Variants in CNTNAP2 observed in about 807,000 individuals in gnomAD.
The protein encoded by CNTNAP2 is contactin-associated protein-like 2.
CNTNAP2 carries 98 observed loss-of-function variants against 155.2 expected under a neutral mutation model. That is an observed-to-expected ratio of 0.63 (90% CI 0.54 to 0.75). The LOEUF is 0.75. CNTNAP2 is among the 30% of genes least tolerant of loss of function. CNTNAP2 has a pLI of 0.00. For synonymous variants in CNTNAP2, 651 were observed against 631.2 expected, an observed-to-expected ratio of 1.03 and a Z score of -0.47; for missense variants, 1,727 against 1,688.1, an observed-to-expected ratio of 1.02 and a Z score of -0.40.
chr7:148,055,517 C>G lies in CNTNAP2; in HGVS notation c.2384-62601C>G, dbSNP rs149712175. Among the ~76,000 whole-genome samples, 122 of 152,246 alleles carry G rather than the reference C, an allele frequency of 8.0e-4. No homozygotes were observed. In the East Asian group the frequency reaches 8.3e-3, roughly 10 times the overall value. On this transcript the variant is annotated intron_variant, in intron 15 of 23. Transcript: ENST00000361727. The stretch of plus-strand genomic sequence containing the variant: ...CAGAGAGCTGTTTTATTAATCTACC[C>G]CTCAGCTTCTTCATCTGTAAAATGG...
At chr7:147,051,496 A>G (rs1356347683) in intron 4 of CNTNAP2, among the ~76,000 whole-genome samples, 1 of 152,090 alleles carries the variant, frequency 6.6e-6, no homozygotes, top group Non-Finnish European at 1.5e-5. Flanking sequence ...GATAAATGCT[A>G]TGACAGAGAA....
intron 13 of CNTNAP2, among the ~76,000 whole-genome samples, chr7:147,814,229 C>A (rs1302105011): frequency 6.6e-6 from 1 of 152,130 alleles, no homozygotes; most frequent in Non-Finnish European, 1.5e-5. Flanking sequence ...CTGGAAAATT[C>A]CACCAGAATA....
At chr7:146,256,291 T>G (rs1298419646) in intron 1 of CNTNAP2, among the ~76,000 whole-genome samples, 1 of 152,200 alleles carries the variant, frequency 6.6e-6, no homozygotes, top group Non-Finnish European at 1.5e-5. Flanking sequence ...TTGTCAGTTT[T>G]GTTATGACCA....
intron 8 of CNTNAP2, among the ~76,000 whole-genome samples, chr7:147,241,956 A>G (rs1022842436): frequency 6.6e-6 from 1 of 152,200 alleles, no homozygotes; most frequent in Non-Finnish European, 1.5e-5. Context: ...AAACACGTTT[A>G]TAAAGCAGAA....
intron 8 of CNTNAP2, among the ~76,000 whole-genome samples, chr7:147,182,557 T>C (rs1267669056): frequency 1.3e-5 from 2 of 152,118 alleles, no homozygotes; most frequent in Non-Finnish European, 2.9e-5. Context: ...TAAATTTCCA[T>C]ATTTACTCTC....
chr7:148,269,871 C>T (rs1796743139), intron 21 of CNTNAP2, among the ~76,000 whole-genome samples: 1 of 152,158 alleles, frequency 6.6e-6, no homozygotes, highest in Non-Finnish European at 1.5e-5. Context: ...GTTAAGTGCT[C>T]CTTCAGAACC....
intron 13 of CNTNAP2, among the ~76,000 whole-genome samples, chr7:147,745,594 C>T (rs762606756): frequency 6.6e-6 from 1 of 152,114 alleles, no homozygotes; most frequent in Non-Finnish European, 1.5e-5. Context: ...AACTGTAATG[C>T]GATTTTCATT....
chr7:148,292,674 T>C (rs1202099443), intron 21 of CNTNAP2, among the ~76,000 whole-genome samples: 2 of 150,722 alleles, frequency 1.3e-5, no homozygotes, highest in South Asian at 2.1e-4. Context: ...ACTGGGGAGG[T>C]TGGGGAGATT....
Position 147,046,384 on chromosome 7 carries a change from A to C in CNTNAP2, c.550+2330A>C, listed in dbSNP as rs1049971660. Among the ~76,000 whole-genome samples the C allele has an allele frequency of 2.6e-5, 4 of 152,206 alleles. No individual in the cohort carries two copies. In the South Asian group the frequency reaches 8.3e-4, roughly 31 times the overall value. On this transcript the variant is annotated intron_variant, in intron 4 of 23. Transcript: ENST00000361727. Reference sequence around the variant, plus strand: ...AGTCATAAAAGATGCATTATTTTACACTTGACTTCTTTAGTTACAAATCAT... The same window carrying C: ...AGTCATAAAAGATGCATTATTTTACCCTTGACTTCTTTAGTTACAAATCAT...
chr7:146,121,374 AG>A (rs1335332600), intron 1 of CNTNAP2, among the ~76,000 whole-genome samples: 1 of 152,182 alleles, frequency 6.6e-6, no homozygotes, highest in African/African-American at 2.4e-5. Flanking sequence ...GTTTTTAAAA[AG>A]TAGATTTTTG....
chr7:146,339,008 C>A (rs1279267666), intron 1 of CNTNAP2, among the ~76,000 whole-genome samples: 1 of 151,978 alleles, frequency 6.6e-6, no homozygotes, highest in African/African-American at 2.4e-5. Context: ...CATGGTGAAA[C>A]CCCTTCTCTA....
At chr7:146,802,120 TCA>T (rs1216222561) in intron 2 of CNTNAP2, among the ~76,000 whole-genome samples, 1 of 152,192 alleles carries the variant, frequency 6.6e-6, no homozygotes, top group Non-Finnish European at 1.5e-5. Flanking sequence ...ACTTATCAAC[TCA>T]CAGTTCTATA....
At chr7:147,641,871 G>T (rs1042809834) in intron 13 of CNTNAP2, among the ~76,000 whole-genome samples, 14 of 152,106 alleles carry the variant, frequency 9.2e-5, no homozygotes, top group Admixed American at 4.6e-4. Context: ...TCAATCTATG[G>T]TATTTTGTTA....
intron 1 of CNTNAP2, among the ~76,000 whole-genome samples, chr7:146,156,295 A>G (rs1291432181): frequency 6.6e-6 from 1 of 152,130 alleles, no homozygotes; most frequent in Non-Finnish European, 1.5e-5. Flanking sequence ...CCAAAGAGAA[A>G]ATAAAGAATG....
Position 147,519,023 on chromosome 7 carries a change from CAAAA to C in CNTNAP2, c.1777+33002_1777+33005del, listed in dbSNP as rs149054741. The stretch of plus-strand genomic sequence containing the variant: ...TCCAGCCTGGCGACAGACTCTGTCT[CAAAA>C]AAAAAAAAAAAAAAAAAAATTATGC... On this transcript the variant is annotated intron_variant, in intron 11 of 23. Transcript: ENST00000361727. Among the ~76,000 whole-genome samples, 587 of 102,240 alleles carry C rather than the reference CAAAA, an allele frequency of 5.7e-3. 1 individual carries two copies. The highest frequency in any genetic ancestry group is 0.02 in the African/African-American group (527 of 26,994). 67.1% of individuals were successfully genotyped at this position (102,240 alleles called of 152,430 possible). A position where few individuals can be genotyped will look rare whatever the true frequency, so the allele number is the denominator to read the frequency against.
At chr7:147,925,197 A>AGGAG in intron 14 of CNTNAP2, among the ~76,000 whole-genome samples, 1 of 149,710 alleles carries the variant, frequency 6.7e-6, no homozygotes, top group Non-Finnish European at 1.5e-5. Flanking sequence ...GAAGGAAGGA[A>AGGAG]GGAAGGAAGG....
intron 13 of CNTNAP2, among the ~76,000 whole-genome samples, chr7:147,783,129 C>T (rs1317347429): frequency 2.6e-5 from 4 of 152,086 alleles, no homozygotes; most frequent in Non-Finnish European, 5.9e-5. Flanking sequence ...AGTGTGAAAT[C>T]AAGAAAATAA....
Position 147,091,618 on chromosome 7 carries a change from A to ATT in CNTNAP2, c.551-16515_551-16514dup, listed in dbSNP as rs111317397. 4.3e-3 allele frequency among the ~76,000 whole-genome samples: 588 copies of ATT among 137,816 alleles called. 2 individuals are homozygous for ATT. Among genetic ancestry groups the ATT allele is most frequent in the East Asian group, 0.01 (46 of 4,578 alleles). 90.4% of individuals were successfully genotyped at this position (137,816 alleles called of 152,430 possible). A position where few individuals can be genotyped will look rare whatever the true frequency, so the allele number is the denominator to read the frequency against. ...AGGTGCGCACCACCACACCCAGCTA[A>ATT]TTTTTTTTTTTTTTTCTTGCTCTGT... On this transcript the variant is annotated intron_variant, in intron 4 of 23. Coordinates refer to ENST00000361727, the MANE Select transcript of CNTNAP2 (RefSeq NM_014141.6).
intron 1 of CNTNAP2, among the ~76,000 whole-genome samples, chr7:146,147,484 T>A (rs911580310): frequency 6.6e-6 from 1 of 152,174 alleles, no homozygotes; most frequent in African/African-American, 2.4e-5. Context: ...GACACTCATA[T>A]CCATAAAATA....
Sources: allele counts gnomAD v4.1 joint callset (sites outside exome capture counted in the v4.1 genomes callset), GRCh38; gene constraint gnomAD v4.1.1; transcripts MANE v1.5; gene names NCBI Gene and HGNC (gene_info 2026-07-23, HGNC 2026-07-21).